The following MIAT variants were observed in gnomAD, a reference collection of about 807,000 sequenced individuals.
MIAT encodes the protein MI related novel mRNA.
chr22:26,660,083 G>C (rs1201489150), intron 2 of MIAT, among the ~76,000 whole-genome samples: 1 of 151,086 alleles, frequency 6.6e-6, no homozygotes, highest in Admixed American at 6.6e-5. Flanking sequence ...TGATCTGCCC[G>C]CCTCAGCCTC....
At chr22:26,658,883 C>T (rs1192710433) in intron 2 of MIAT, among the ~76,000 whole-genome samples, 1 of 152,254 alleles carries the variant, frequency 6.6e-6, no homozygotes, top group African/African-American at 2.4e-5. Context: ...AAGCAAAACA[C>T]TTGCTCTGGA....
chr22:26,649,601 C>T (rs1407852880), intron 2 of MIAT, among the ~76,000 whole-genome samples: 2 of 152,196 alleles, frequency 1.3e-5, no homozygotes, highest in Non-Finnish European at 2.9e-5. Context: ...CAGGGATCAT[C>T]CTTCAACCAT....
intron 2 of MIAT, among the ~76,000 whole-genome samples, chr22:26,652,359 CATTT>C (rs1261528454): frequency 6.6e-6 from 1 of 151,532 alleles, no homozygotes; most frequent in Non-Finnish European, 1.5e-5. Flanking sequence ...TTTATTCATT[CATTT>C]ATTTTTTTTT....
At chr22:26,669,861 A>G (rs868465847), downstream of MIAT, 8 of 398,808 alleles carry the variant, frequency 2.0e-5, no homozygotes, top group Middle Eastern at 4.4e-3. Context: ...TGTCCTGAGA[A>G]GGGCCTGGGC....
downstream of MIAT, chr22:26,670,602 T>TTAAAAAAA (rs367735721): frequency 2.2e-4 from 68 of 310,474 alleles, no homozygotes; most frequent in Non-Finnish European, 2.2e-4. Context: ...CATTGCTCCT[T>TTAAAAAAA]AAAAAAAAAA....
chr22:26,663,881 C>A (rs995717801), intron 3 of MIAT, among the ~76,000 whole-genome samples: 1 of 151,722 alleles, frequency 6.6e-6, no homozygotes, highest in Non-Finnish European at 1.5e-5. Context: ...TCCCTCCCAG[C>A]CAATCCCCTC....
chr22:26,670,436 C>T (rs932540869), downstream of MIAT: 22 of 398,148 alleles, frequency 5.5e-5, no homozygotes, highest in African/African-American at 3.7e-4. Context: ...TTCTGAGTGC[C>T]TGGGAAGTGG....
At chr22:26,673,310 C>T (rs149788457), downstream of MIAT, 41 of 398,776 alleles carry the variant, frequency 1.0e-4, no homozygotes, top group East Asian at 1.1e-3. Context: ...CATGCCTCAC[C>T]TCCAGTAGGC....
rs58654108 is a variant in MIAT at position 26,661,917 on chromosome 22, CATATAT to C, written n.647-1359_647-1354del. 5.1e-3 allele frequency among the ~76,000 whole-genome samples: 407 copies of C among 80,510 alleles called. 2 individuals carry two copies. Among genetic ancestry groups the C allele is most frequent in the Non-Finnish European group, 8.1e-3 (300 of 36,912 alleles). The allele number at this position is 80,510 out of a possible 152,430, so 52.8% of individuals were successfully genotyped here. ...ATATATATATGGATCTATATAGATC[CATATAT>C]ATATATATATATATATATATATATA... On this transcript the variant is annotated intron_variant and non_coding_transcript_variant, in intron 2 of 5. Coordinates refer to ENST00000643270, the Ensembl canonical transcript of MIAT.
chr22:26,658,295 G>A (rs1441425150), intron 2 of MIAT: 1 of 152,226 alleles, frequency 6.6e-6, no homozygotes, highest in African/African-American at 2.4e-5. Flanking sequence ...ACGCAGGGAC[G>A]TGCTTGGTGC....
intron 1 of MIAT, chr22:26,647,091 T>C (rs913548112): frequency 1.0e-5 from 4 of 398,118 alleles, no homozygotes; most frequent in Non-Finnish European, 1.8e-5. Flanking sequence ...GACCCTGGGA[T>C]GACACCGTCA....
At chr22:26,670,551 G>A (rs1003233401), downstream of MIAT, 3 of 297,260 alleles carry the variant, frequency 1.0e-5, no homozygotes, top group Non-Finnish European at 1.2e-5. Context: ...GATGATACCC[G>A]ACCCTCTAGG....
intron 2 of MIAT, among the ~76,000 whole-genome samples, chr22:26,651,758 A>G (rs1602353918): frequency 6.6e-6 from 1 of 152,238 alleles, no homozygotes. Flanking sequence ...ATGAACCTCA[A>G]AAACATTATG....
exon 6 of MIAT, chr22:26,668,198 G>T: frequency 2.5e-6 from 1 of 398,658 alleles, no homozygotes; most frequent in South Asian, 1.3e-4. Flanking sequence ...TCCTGGCCTG[G>T]ACTTCTCTTT....
chr22:26,667,411 CGTGT>C (rs1426845679), intron 5 of MIAT: 4 of 368,918 alleles, frequency 1.1e-5, no homozygotes, highest in Non-Finnish European at 1.9e-5. Flanking sequence ...TGTGTGTGCG[CGTGT>C]ATGTGTGTGT....
At chr22:26,651,159 C>T (rs980031095) in intron 2 of MIAT, among the ~76,000 whole-genome samples, 3 of 152,196 alleles carry the variant, frequency 2.0e-5, no homozygotes, top group African/African-American at 7.2e-5. Flanking sequence ...TGCAGCTCTC[C>T]TCTCCTCTGC....
At chr22:26,673,946 T>C (rs1569225841), downstream of MIAT, 1 of 398,704 alleles carries the variant, frequency 2.5e-6, no homozygotes, top group Non-Finnish European at 4.4e-6. Flanking sequence ...CTTAAAAAAA[T>C]ATAGCCTTAT....
exon 6 of MIAT, chr22:26,669,493 T>C: frequency 2.5e-6 from 1 of 398,644 alleles, no homozygotes; most frequent in Non-Finnish European, 4.4e-6. Flanking sequence ...CCTCTTCTTA[T>C]AAAGACACTA....
chr22:26,665,257 A>AAGAAAGAAAGAAAGAAAGAC, intron 3 of MIAT, among the ~76,000 whole-genome samples: 1 of 36,216 alleles, frequency 2.8e-5, no homozygotes, highest in Admixed American at 2.5e-4. Flanking sequence ...AAAAGAAAGA[A>AAGAAAGAAAGAAAGAAAGAC]AGAAAGAAAG....
Sources: gnomAD v4.1 joint callset for allele counts (sites outside exome capture counted in the v4.1 genomes callset) on GRCh38, gnomAD v4.1.1 for gene constraint, MANE v1.5 for transcripts, NCBI Gene and HGNC (gene_info 2026-07-23, HGNC 2026-07-21) for gene names.